The following STK3 variants were observed in gnomAD, a reference collection of about 807,000 sequenced individuals.
STK3 encodes the protein serine/threonine-protein kinase 3.
A neutral mutation model predicts 58.0 loss-of-function variants in STK3; 41 were observed. That is an observed-to-expected ratio of 0.71 (90% CI 0.55 to 0.92). The LOEUF is 0.92. STK3 is among the 40% of genes least tolerant of loss of function. The pLI, the probability that STK3 is intolerant of heterozygous loss-of-function variation, is 0.00. For synonymous variants in STK3, 170 were observed against 191.0 expected (o/e 0.89, Z 0.91); for missense variants, 479 against 602.7 (o/e 0.79, Z 2.15).
chr8:98,632,042 T>C (rs1819285999), intron 6 of STK3, among the ~76,000 whole-genome samples: 1 of 152,208 alleles, frequency 6.6e-6, no homozygotes, highest in African/African-American at 2.4e-5. Context: ...TTCACTGTTA[T>C]GTATGAGTGC....
At position 98,386,151 on chromosome 8, in the gene STK3, A is replaced by G. The variant is rs139755554; in HGVS notation, n.56+2041T>C. Among the ~76,000 whole-genome samples the G allele has an allele frequency of 1.2e-4, 18 of 152,318 alleles. No individual in the cohort carries two copies. In the East Asian group the frequency reaches 3.5e-3, roughly 29 times the overall value. ...AAAATATTACAACCCCTATAGAAAG[A>G]AATTTATCGATACCTACTAAAATGA... On this transcript the variant is annotated intron_variant and non_coding_transcript_variant, in intron 1 of 2. Coordinates refer to the STK3 transcript ENST00000518704.
intron 3 of STK3, among the ~76,000 whole-genome samples, chr8:98,842,757 T>C (rs1006823576): frequency 6.6e-6 from 1 of 151,998 alleles, no homozygotes; most frequent in African/African-American, 2.4e-5. Context: ...ATCTCAGCAC[T>C]TGGTAGGCCG....
At chr8:98,504,403 T>C (rs1341890476) in intron 10 of STK3, among the ~76,000 whole-genome samples, 2 of 152,228 alleles carry the variant, frequency 1.3e-5, no homozygotes, top group Admixed American at 1.3e-4. Context: ...AAGGTTACTA[T>C]TGTTACGTGT....
At chr8:98,393,200 C>T (rs1263460562), upstream of STK3, among the ~76,000 whole-genome samples, 1 of 152,160 alleles carries the variant, frequency 6.6e-6, no homozygotes, top group African/African-American at 2.4e-5. Context: ...CTTAGTTGAA[C>T]TTGGACTAAG....
intron 3 of STK3, among the ~76,000 whole-genome samples, chr8:98,873,667 C>CT (rs1164158448): frequency 0.035 from 5,106 of 145,416 alleles, 116 homozygotes; most frequent in Non-Finnish European, 0.05. Flanking sequence ...GCAACCCCTG[C>CT]TTTTTTTTTT....
intron 3 of STK3, among the ~76,000 whole-genome samples, chr8:98,753,268 A>G (rs1830091009): frequency 6.6e-6 from 1 of 152,242 alleles, no homozygotes; most frequent in Non-Finnish European, 1.5e-5. Flanking sequence ...TGGTACATAT[A>G]CACAATGGAA....
intron 2 of STK3, among the ~76,000 whole-genome samples, chr8:98,374,816 G>C (rs1031467897): frequency 2.0e-5 from 3 of 152,156 alleles, no homozygotes; most frequent in Non-Finnish European, 4.4e-5. Context: ...AGATTTCCTT[G>C]TATATACATA....
chr8:98,903,487 G>C (rs920839769), intron 1 of STK3, among the ~76,000 whole-genome samples: 4 of 139,646 alleles, frequency 2.9e-5, no homozygotes, highest in Admixed American at 7.2e-5. Flanking sequence ...AATTTAGGAA[G>C]TTCTTCTTCT....
chr8:98,478,104 T>C (rs1285397308), intron 10 of STK3, among the ~76,000 whole-genome samples: 1 of 152,134 alleles, frequency 6.6e-6, no homozygotes, highest in Non-Finnish European at 1.5e-5. Flanking sequence ...CACATGCTGC[T>C]CTTTGTGAAC....
chr8:98,679,494 A>G (rs1313712533), intron 6 of STK3, among the ~76,000 whole-genome samples: 1 of 151,600 alleles, frequency 6.6e-6, no homozygotes, highest in Non-Finnish European at 1.5e-5. Context: ...TATTTTTTCT[A>G]CTCTAGCACT....
chr8:98,816,373 T>C (rs1834544252), intron 1 of STK3, among the ~76,000 whole-genome samples: 1 of 152,084 alleles, frequency 6.6e-6, no homozygotes, highest in African/African-American at 2.4e-5. Flanking sequence ...TACCTGGGCA[T>C]GGTGGCCAAT....
chr8:98,735,772 AC>A (rs1016814920), intron 4 of STK3, among the ~76,000 whole-genome samples: 1 of 152,052 alleles, frequency 6.6e-6, no homozygotes, highest in Non-Finnish European at 1.5e-5. Flanking sequence ...CAAAATCTCT[AC>A]CCTTTACAAC....
At chr8:98,696,089 A>C (rs1824892382) in intron 6 of STK3, among the ~76,000 whole-genome samples, 1 of 152,070 alleles carries the variant, frequency 6.6e-6, no homozygotes, top group African/African-American at 2.4e-5. Context: ...TGTCCCTTGT[A>C]AGTTGGATTC....
Position 98,661,306 on chromosome 8 carries a change from G to A in STK3, c.684+45161C>T, listed in dbSNP as rs151165522. 7.9e-5 allele frequency among the ~76,000 whole-genome samples: 12 copies of A among 152,200 alleles called. No individual in the cohort carries two copies. In the East Asian group the frequency reaches 2.3e-3, roughly 29 times the overall value. ...GTGGTAGATGAACTATCCCTCACAT[G>A]TCATAGGCATATAGTACTCTTATAA... On this transcript the variant is annotated intron_variant, in intron 6 of 10. Coordinates refer to ENST00000419617, the MANE Select transcript of STK3 (RefSeq NM_006281.4).
chr8:98,851,803 A>T (rs1460597123), intron 3 of STK3, among the ~76,000 whole-genome samples: 1 of 152,094 alleles, frequency 6.6e-6, no homozygotes, highest in African/African-American at 2.4e-5. Context: ...TTTTTTTTGA[A>T]GATACCTTGT....
intron 4 of STK3, among the ~76,000 whole-genome samples, chr8:98,712,212 A>G (rs188820975): frequency 2.4e-4 from 37 of 152,364 alleles, no homozygotes; most frequent in Non-Finnish European, 3.5e-4. Flanking sequence ...TGCTAGGAAG[A>G]AACTGTATCA....
intron 6 of STK3, among the ~76,000 whole-genome samples, chr8:98,689,611 T>A (rs1249649764): frequency 6.6e-6 from 1 of 151,964 alleles, no homozygotes; most frequent in African/African-American, 2.4e-5. Context: ...TGAGATCCCA[T>A]CTCTCCAAAA....
At chr8:98,941,365 A>G (rs1840421223) in intron 1 of STK3, among the ~76,000 whole-genome samples, 1 of 152,042 alleles carries the variant, frequency 6.6e-6, no homozygotes, top group South Asian at 2.1e-4. Context: ...CAAGCTCCCT[A>G]CTCCTCCAGG....
intron 1 of STK3, among the ~76,000 whole-genome samples, chr8:98,786,898 CG>C (rs1364327108): frequency 6.6e-6 from 1 of 152,004 alleles, no homozygotes. Context: ...CAATGTGGTG[CG>C]GTGGCTCACG....
Sources: gnomAD v4.1 joint callset for allele counts (sites outside exome capture counted in the v4.1 genomes callset) on GRCh38, gnomAD v4.1.1 for gene constraint, MANE v1.5 for transcripts, NCBI Gene and HGNC (gene_info 2026-07-23, HGNC 2026-07-21) for gene names.